Variants in PDGFC observed in about 807,000 individuals in gnomAD.
PDGFC encodes platelet derived growth factor C.
A neutral mutation model predicts 35.5 loss-of-function variants in PDGFC; 12 were observed. The observed-to-expected ratio is 0.34, with a 90% confidence interval of 0.22 to 0.55. The LOEUF (loss-of-function observed/expected upper bound fraction) is 0.55, where lower values mean the gene tolerates loss of function less well. PDGFC is among the 20% of genes least tolerant of loss of function. The probability of loss-of-function intolerance (pLI) is 0.91; values close to 1 mark genes in which losing one functional copy is unlikely to be tolerated. For missense variants in PDGFC, 322 were observed against 412.4 expected, an observed-to-expected ratio of 0.78 and a Z score of 1.90; for synonymous variants, 159 against 148.8, an observed-to-expected ratio of 1.07 and a Z score of -0.50.
chr4:156,906,710 C>T (rs1013624209), intron 1 of PDGFC, among the ~76,000 whole-genome samples: 1 of 152,192 alleles, frequency 6.6e-6, no homozygotes, highest in Non-Finnish European at 1.5e-5. Context: ...ATTGCTCTTA[C>T]AAGAGCATTT....
intron 1 of PDGFC, among the ~76,000 whole-genome samples, chr4:156,874,402 TAA>T (rs1351646971): frequency 6.6e-6 from 1 of 152,190 alleles, no homozygotes; most frequent in African/African-American, 2.4e-5. Flanking sequence ...CACTCCAACT[TAA>T]GCCTCTCCTT....
intron 2 of PDGFC, among the ~76,000 whole-genome samples, chr4:156,832,504 C>T (rs2111026836): frequency 6.6e-6 from 1 of 152,346 alleles, no homozygotes; most frequent in Non-Finnish European, 1.5e-5. Flanking sequence ...ATCCACCCGC[C>T]TCTGCCTCCC....
chr4:156,809,010 T>TTC (rs781463028), intron 3 of PDGFC, among the ~76,000 whole-genome samples: 3 of 152,040 alleles, frequency 2.0e-5, no homozygotes, highest in Non-Finnish European at 4.4e-5. Flanking sequence ...ACTACCTTCA[T>TTC]TCTCTCCTGT....
chr4:156,814,641 A>T (rs1026685325), intron 2 of PDGFC, among the ~76,000 whole-genome samples: 1 of 152,172 alleles, frequency 6.6e-6, no homozygotes, highest in African/African-American at 2.4e-5. Context: ...TCTCTTCAGG[A>T]AGTCTAAAAT....
intron 1 of PDGFC, among the ~76,000 whole-genome samples, chr4:156,909,883 G>C (rs1054636020): frequency 6.6e-6 from 1 of 152,172 alleles, no homozygotes; most frequent in Non-Finnish European, 1.5e-5. Flanking sequence ...CCTAAATCCA[G>C]TATCTGGTGC....
At chr4:156,796,546 A>G (rs1579014493) in intron 3 of PDGFC, among the ~76,000 whole-genome samples, 1 of 149,910 alleles carries the variant, frequency 6.7e-6, no homozygotes, top group East Asian at 2.0e-4. Flanking sequence ...AATTATCTCA[A>G]AATAAAACTT....
intron 1 of PDGFC, among the ~76,000 whole-genome samples, chr4:156,959,044 A>G (rs771730549): frequency 3.9e-5 from 6 of 152,070 alleles, no homozygotes; most frequent in African/African-American, 7.2e-5. Context: ...GACATGTCTG[A>G]GCCCAGAAGG....
At chr4:156,915,782 A>G (rs1731144332) in intron 1 of PDGFC, among the ~76,000 whole-genome samples, 1 of 152,148 alleles carries the variant, frequency 6.6e-6, no homozygotes, top group Admixed American at 6.5e-5. Context: ...CTCTGCTTTA[A>G]TTAAAAAAAG....
chr4:156,943,979 G>C (rs1042443997), intron 1 of PDGFC, among the ~76,000 whole-genome samples: 2 of 152,082 alleles, frequency 1.3e-5, no homozygotes, highest in East Asian at 3.9e-4. Context: ...AGGTATTTAA[G>C]AACTCTCGTT....
At chr4:156,910,100 G>C (rs536491952) in intron 1 of PDGFC, among the ~76,000 whole-genome samples, 1 of 152,154 alleles carries the variant, frequency 6.6e-6, no homozygotes, top group Non-Finnish European at 1.5e-5. Flanking sequence ...CTGGATTTCA[G>C]ATTTCTGGCA....
At chr4:156,819,132 G>A (rs1388086812) in intron 2 of PDGFC, among the ~76,000 whole-genome samples, 1 of 152,182 alleles carries the variant, frequency 6.6e-6, no homozygotes, top group Non-Finnish European at 1.5e-5. Flanking sequence ...GAGGTTGAAT[G>A]AAGGAAGCCA....
chr4:156,952,143 T>A (rs1368451346), intron 1 of PDGFC, among the ~76,000 whole-genome samples: 1 of 151,802 alleles, frequency 6.6e-6, no homozygotes, highest in Non-Finnish European at 1.5e-5. Flanking sequence ...GTGTTTCAAA[T>A]AATCAAAACT....
chr4:156,832,253 C>CTTTTTTTTTTT (rs542396769), intron 2 of PDGFC, among the ~76,000 whole-genome samples: 2 of 121,134 alleles, frequency 1.7e-5, no homozygotes, highest in Non-Finnish European at 3.4e-5. Flanking sequence ...TTCTTTCTTT[C>CTTTTTTTTTTT]TTTTTTTTTT....
chr4:156,947,973 A>G (rs1006531763), intron 1 of PDGFC, among the ~76,000 whole-genome samples: 4 of 151,840 alleles, frequency 2.6e-5, no homozygotes, highest in African/African-American at 7.2e-5. Flanking sequence ...GCTAGTCTCA[A>G]TAAGTGTGAA....
At chr4:156,787,819 A>T (rs889348890) in intron 3 of PDGFC, among the ~76,000 whole-genome samples, 2 of 152,142 alleles carry the variant, frequency 1.3e-5, no homozygotes, top group African/African-American at 4.8e-5. Context: ...TAGCGTGAGG[A>T]AAGTGTTCAG....
intron 1 of PDGFC, among the ~76,000 whole-genome samples, chr4:156,948,722 ATACT>A (rs1732007022): frequency 6.6e-6 from 1 of 152,004 alleles, no homozygotes; most frequent in East Asian, 1.9e-4. Flanking sequence ...TATAGATGAA[ATACT>A]TACAACATTT....
Position 156,797,723 on chromosome 4 carries a change from C to T in PDGFC, c.495+13114G>A, listed in dbSNP as rs369176467. ...AAGCCGTCCTGGGCCACATGGGGCCCGCGAGCCATGGGTTGGACAAGCTTG... is the reference window on the plus strand; with the variant it reads ...AAGCCGTCCTGGGCCACATGGGGCCTGCGAGCCATGGGTTGGACAAGCTTG... On this transcript the variant is annotated intron_variant, in intron 3 of 5. Transcript: ENST00000502773. Among the ~76,000 whole-genome samples, 208 of 152,252 alleles carry T rather than the reference C, an allele frequency of 1.4e-3. 1 individual carries two copies. The highest frequency in any genetic ancestry group is 4.8e-3 in the African/African-American group (200 of 41,546).
chr4:156,910,306 G>C (rs2110801644), intron 1 of PDGFC, among the ~76,000 whole-genome samples: 1 of 152,096 alleles, frequency 6.6e-6, no homozygotes, highest in Non-Finnish European at 1.5e-5. Context: ...ATGTTGACAT[G>C]TTTCATGACT....
intron 1 of PDGFC, among the ~76,000 whole-genome samples, chr4:156,877,756 T>C (rs1240810190): frequency 6.6e-6 from 1 of 152,132 alleles, no homozygotes; most frequent in African/African-American, 2.4e-5. Flanking sequence ...TAAAATATAC[T>C]TCCTCTTCTG....
Sources: allele counts gnomAD v4.1 joint callset (sites outside exome capture counted in the v4.1 genomes callset), GRCh38; gene constraint gnomAD v4.1.1; transcripts MANE v1.5; gene names NCBI Gene and HGNC (gene_info 2026-07-23, HGNC 2026-07-21).